The following TRAPPC9 variants were observed in gnomAD, a reference collection of about 807,000 sequenced individuals.
TRAPPC9 encodes trafficking protein particle complex subunit 9.
TRAPPC9 carries 83 observed loss-of-function variants against 124.0 expected under a neutral mutation model. The ratio of observed to expected loss-of-function variants is 0.67; its 90% CI spans 0.56 to 0.80. The LOEUF (loss-of-function observed/expected upper bound fraction) is 0.80. Among genes scored for constraint, TRAPPC9 ranks in the 30% least tolerant of loss-of-function variants. TRAPPC9 has a pLI of 0.00. For synonymous variants in TRAPPC9, 638 were observed against 617.5 expected (o/e 1.03, Z -0.49); for missense variants, 1,302 against 1,508.3 (o/e 0.86, Z 2.27).
chr8:140,331,503 C>T (rs1032427548), intron 9 of TRAPPC9, among the ~76,000 whole-genome samples: 1 of 152,056 alleles, frequency 6.6e-6, no homozygotes, highest in Admixed American at 6.6e-5. Context: ...AACCTCTGCA[C>T]AGCAAAGGAA....
chr8:139,917,957 G>A (rs1218677966), intron 19 of TRAPPC9, among the ~76,000 whole-genome samples: 1 of 152,222 alleles, frequency 6.6e-6, no homozygotes, highest in East Asian at 1.9e-4. Context: ...TCTGCCAGAG[G>A]TCCGTTCTGC....
chr8:139,953,329 C>G (rs1462647710), intron 19 of TRAPPC9, among the ~76,000 whole-genome samples: 1 of 152,098 alleles, frequency 6.6e-6, no homozygotes, highest in African/African-American at 2.4e-5. Context: ...ACTGTCTCTA[C>G]TAAAAATGCA....
intron 5 of TRAPPC9, among the ~76,000 whole-genome samples, chr8:140,424,450 C>CAG: frequency 2.0e-5 from 3 of 151,558 alleles, no homozygotes; most frequent in Middle Eastern, 6.8e-3. Context: ...TGGGTCAACA[C>CAG]AGAGAGAGAC....
intron 15 of TRAPPC9, among the ~76,000 whole-genome samples, chr8:140,263,572 G>A (rs941148922): frequency 3.3e-5 from 5 of 152,206 alleles, no homozygotes; most frequent in Non-Finnish European, 7.3e-5. Context: ...TACCTTACAG[G>A]AGGAACTAGG....
At chr8:139,779,002 T>G (rs1297946611) in intron 21 of TRAPPC9, among the ~76,000 whole-genome samples, 1 of 152,166 alleles carries the variant, frequency 6.6e-6, no homozygotes, top group East Asian at 1.9e-4. Flanking sequence ...GCCATTACTT[T>G]TAATTTGCCA....
intron 18 of TRAPPC9, among the ~76,000 whole-genome samples, chr8:140,003,900 T>C (rs937024818): frequency 1.3e-5 from 2 of 152,214 alleles, no homozygotes; most frequent in Non-Finnish European, 2.9e-5. Context: ...TACATGAGTA[T>C]TTACAGCAGC....
chr8:140,222,600 A>G (rs973765794), intron 16 of TRAPPC9, among the ~76,000 whole-genome samples: 1 of 152,220 alleles, frequency 6.6e-6, no homozygotes, highest in East Asian at 1.9e-4. Flanking sequence ...AGGAAATGTC[A>G]AAGTCTGCAC....
rs183887480 is a variant in TRAPPC9 at position 140,138,095 on chromosome 8, G to A, written c.2556+83364C>T. ...ATGGGTGAATCACTTAAGGTCAGGA[G>A]TTTGAGATCAGCCTGACCAACATGG... On this transcript the variant is annotated intron_variant, in intron 17 of 22. Transcript: ENST00000438773. Among the ~76,000 whole-genome samples, 402 of 152,330 alleles carry A rather than the reference G, an allele frequency of 2.6e-3. 1 individual carries two copies. Among genetic ancestry groups the A allele is most frequent in the Non-Finnish European group, 3.6e-3 (242 of 68,034 alleles).
At chr8:139,784,517 T>A (rs960295029) in intron 21 of TRAPPC9, among the ~76,000 whole-genome samples, 1 of 149,852 alleles carries the variant, frequency 6.7e-6, no homozygotes, top group African/African-American at 2.5e-5. Flanking sequence ...GAGGTTGCAG[T>A]GAGCAGAGAT....
intron 17 of TRAPPC9, among the ~76,000 whole-genome samples, chr8:140,055,121 A>G (rs1312247830): frequency 2.0e-5 from 3 of 152,246 alleles, no homozygotes; most frequent in Admixed American, 2.0e-4. Context: ...CCTGATTAAC[A>G]TGGACGCAAA....
At chr8:139,862,209 G>C (rs1172711695) in intron 21 of TRAPPC9, among the ~76,000 whole-genome samples, 1 of 152,274 alleles carries the variant, frequency 6.6e-6, no homozygotes, top group Non-Finnish European at 1.5e-5. Flanking sequence ...CAGGGCCTCA[G>C]CTCTTCCTGG....
chr8:140,288,574 TA>T (rs1285077662), intron 12 of TRAPPC9, among the ~76,000 whole-genome samples: 3 of 151,986 alleles, frequency 2.0e-5, no homozygotes, highest in Non-Finnish European at 2.9e-5. Flanking sequence ...CTCAGGGCAC[TA>T]AAGCAAGAAA....
chr8:139,848,557 A>G (rs1250450949), intron 21 of TRAPPC9, among the ~76,000 whole-genome samples: 2 of 152,312 alleles, frequency 1.3e-5, no homozygotes, highest in East Asian at 3.9e-4. Flanking sequence ...ATATATCCAA[A>G]ATCTATGTGT....
intron 17 of TRAPPC9, among the ~76,000 whole-genome samples, chr8:140,052,573 G>C (rs1842065278): frequency 6.6e-6 from 1 of 152,156 alleles, no homozygotes; most frequent in South Asian, 2.1e-4. Flanking sequence ...CTTGAGGTCA[G>C]GAGTTTGAGA....
Position 140,275,794 on chromosome 8 carries a change from A to G in TRAPPC9, c.2142T>C (p.Ser714=). The G allele has an allele frequency of 1.2e-6, 2 of 1,613,700 alleles. No individual in the cohort carries two copies. The highest frequency in any genetic ancestry group is 1.7e-4 in the Middle Eastern group (1 of 6,060). The change falls in exon 15 of 23, where the codon TCT becomes TCC. Residue 714 remains serine (S), a synonymous_variant. Coordinates refer to ENST00000438773, the MANE Select transcript of TRAPPC9 (RefSeq NM_001160372.4). The part of the protein sequence containing the change: ...PRSAHSLQPS[S]GDEISTNVSV... The stretch of plus-strand genomic sequence containing the variant: ...ATACATTAGTAGATATTTCATCACC[A>G]GAAGAAGGTTGCAATGAATGTGCAG...
intron 18 of TRAPPC9, among the ~76,000 whole-genome samples, chr8:139,998,191 A>T (rs1315765363): frequency 6.6e-6 from 1 of 152,264 alleles, no homozygotes; most frequent in Non-Finnish European, 1.5e-5. Flanking sequence ...AAGAATGTCA[A>T]CTCAGAAGTC....
chr8:140,346,425 TA>T (rs1161700702), intron 9 of TRAPPC9, among the ~76,000 whole-genome samples: 66 of 152,228 alleles, frequency 4.3e-4, no homozygotes, highest in Non-Finnish European at 7.6e-4. Context: ...CCTTGTCCCT[TA>T]TTATCCGAAC....
intron 19 of TRAPPC9, among the ~76,000 whole-genome samples, chr8:139,980,602 A>G (rs1836827131): frequency 1.3e-5 from 2 of 152,190 alleles, no homozygotes; most frequent in African/African-American, 4.8e-5. Flanking sequence ...CATGGCCTCT[A>G]ACGCTGCTCT....
At chr8:140,395,287 T>A (rs2069056739) in intron 7 of TRAPPC9, among the ~76,000 whole-genome samples, 1 of 152,172 alleles carries the variant, frequency 6.6e-6, no homozygotes, top group African/African-American at 2.4e-5. Flanking sequence ...CCCTTTGGTG[T>A]GACACTGACA....
Sources: gnomAD v4.1 joint callset for allele counts (sites outside exome capture counted in the v4.1 genomes callset) on GRCh38, gnomAD v4.1.1 for gene constraint, MANE v1.5 for transcripts, NCBI Gene and HGNC (gene_info 2026-07-23, HGNC 2026-07-21) for gene names.